Variants in DGKI observed in about 807,000 individuals in gnomAD.
DGKI encodes the protein DAG kinase iota.
Under a neutral mutation model 147.5 loss-of-function variants are expected in DGKI, and 55 were observed. That is an observed-to-expected ratio of 0.37 (90% CI 0.30 to 0.47). The LOEUF (loss-of-function observed/expected upper bound fraction) is 0.47. DGKI is among the 20% of genes least tolerant of loss of function. The probability of loss-of-function intolerance (pLI) is 1.00; values close to 1 mark genes in which losing one functional copy is unlikely to be tolerated. For synonymous variants in DGKI, 469 were observed against 477.1 expected, an observed-to-expected ratio of 0.98 and a Z score of 0.22; for missense variants, 1,007 against 1,323.8, an observed-to-expected ratio of 0.76 and a Z score of 3.71.
At chr7:137,559,372 T>C (rs2128970134) in intron 19 of DGKI, among the ~76,000 whole-genome samples, 1 of 152,194 alleles carries the variant, frequency 6.6e-6, no homozygotes, top group Non-Finnish European at 1.5e-5. Flanking sequence ...CGCCTGGCCT[T>C]GTACCTACAA....
intron 21 of DGKI, among the ~76,000 whole-genome samples, chr7:137,517,396 A>G (rs1374962782): frequency 6.7e-6 from 1 of 150,338 alleles, no homozygotes; most frequent in Non-Finnish European, 1.5e-5. Flanking sequence ...AGGGAGGGAG[A>G]AAGAGAGAGA....
intron 28 of DGKI, among the ~76,000 whole-genome samples, chr7:137,426,194 G>A (rs535501446): frequency 3.8e-3 from 573 of 152,286 alleles, no homozygotes; most frequent in Middle Eastern, 0.02. Context: ...GACTAACAGC[G>A]GATCTCTGGG....
chr7:137,532,067 A>T (rs926531659), intron 20 of DGKI, among the ~76,000 whole-genome samples: 1 of 152,150 alleles, frequency 6.6e-6, no homozygotes, highest in Non-Finnish European at 1.5e-5. Context: ...ATGTGTTATA[A>T]ATAAAAATAT....
intron 2 of DGKI, among the ~76,000 whole-genome samples, chr7:137,688,789 G>A (rs913951789): frequency 6.6e-6 from 1 of 152,034 alleles, no homozygotes; most frequent in Non-Finnish European, 1.5e-5. Flanking sequence ...TAGCTGTCCT[G>A]GAATAAAGAA....
At chr7:137,564,625 T>C (rs1308608973) in intron 19 of DGKI, among the ~76,000 whole-genome samples, 2 of 152,214 alleles carry the variant, frequency 1.3e-5, no homozygotes, top group Admixed American at 1.3e-4. Context: ...CTCTCAAATG[T>C]TGTTGTTTGT....
intron 6 of DGKI, among the ~76,000 whole-genome samples, chr7:137,638,441 T>TATAC (rs1260350340): frequency 7.7e-6 from 1 of 129,058 alleles, no homozygotes; most frequent in Non-Finnish European, 1.6e-5. Context: ...TATATATATA[T>TATAC]ATACACACAC....
intron 1 of DGKI, among the ~76,000 whole-genome samples, chr7:137,707,826 C>T (rs1386105511): frequency 1.3e-5 from 2 of 152,192 alleles, no homozygotes; most frequent in Non-Finnish European, 2.9e-5. Flanking sequence ...TGAGAACAGA[C>T]TAATACAACC....
At chr7:137,527,226 T>C (rs557330815) in intron 20 of DGKI, among the ~76,000 whole-genome samples, 18 of 152,324 alleles carry the variant, frequency 1.2e-4, no homozygotes, top group Admixed American at 3.3e-4. Flanking sequence ...AAATAATAAG[T>C]GGTCAAAAAT....
intron 1 of DGKI, among the ~76,000 whole-genome samples, chr7:137,697,424 G>C (rs774599134): frequency 3.0e-4 from 45 of 152,160 alleles, no homozygotes; most frequent in Non-Finnish European, 5.3e-4. Flanking sequence ...AAAGTAACAA[G>C]TAGAGAAGAC....
At chr7:137,553,552 T>TA (rs35473023) in intron 19 of DGKI, among the ~76,000 whole-genome samples, 18,446 of 150,470 alleles carry the variant, frequency 0.12, 1,627 homozygotes, top group African/African-American at 0.25. Flanking sequence ...TCTGACTTAG[T>TA]AAAAAAAAAA....
chr7:137,651,623 T>A (rs1822030224), intron 5 of DGKI, among the ~76,000 whole-genome samples: 1 of 152,158 alleles, frequency 6.6e-6, no homozygotes, highest in Non-Finnish European at 1.5e-5. Flanking sequence ...TCAGCCCACA[T>A]GGTATTTGAA....
chr7:137,415,184 C>T (rs1305987549), intron 28 of DGKI, among the ~76,000 whole-genome samples: 1 of 152,032 alleles, frequency 6.6e-6, no homozygotes, highest in Non-Finnish European at 1.5e-5. Flanking sequence ...GAAGGAGAGG[C>T]TGGGGAAAGT....
chr7:137,551,689 T>C (rs1470491301), intron 20 of DGKI, among the ~76,000 whole-genome samples: 2 of 152,188 alleles, frequency 1.3e-5, no homozygotes, highest in Non-Finnish European at 2.9e-5. Flanking sequence ...TCTAAATATC[T>C]AGCCAATATT....
intron 28 of DGKI, among the ~76,000 whole-genome samples, chr7:137,438,770 G>A (rs1813379113): frequency 6.6e-6 from 1 of 152,088 alleles, no homozygotes; most frequent in African/African-American, 2.4e-5. Context: ...TTGATGAAAT[G>A]CATATGGCAC....
chr7:137,822,454 G>C (rs893018602), intron 1 of DGKI, among the ~76,000 whole-genome samples: 1 of 151,990 alleles, frequency 6.6e-6, no homozygotes, highest in Non-Finnish European at 1.5e-5. Context: ...AAAAAAGATA[G>C]ATGTAGAACT....
intron 18 of DGKI, among the ~76,000 whole-genome samples, chr7:137,572,222 A>T (rs1818817616): frequency 6.6e-6 from 1 of 152,194 alleles, no homozygotes; most frequent in African/African-American, 2.4e-5. Context: ...CTGAGATAAT[A>T]TGTTTATTTT....
chr7:137,566,679 A>T (rs1006942464), intron 19 of DGKI, among the ~76,000 whole-genome samples: 2 of 152,090 alleles, frequency 1.3e-5, no homozygotes, highest in African/African-American at 4.8e-5. Context: ...CTTTTTTGCC[A>T]ACTACCATCT....
intron 1 of DGKI, among the ~76,000 whole-genome samples, chr7:137,747,385 G>T (rs1795370304): frequency 6.6e-6 from 1 of 152,084 alleles, no homozygotes; most frequent in South Asian, 2.1e-4. Flanking sequence ...AGGAAAATAG[G>T]GTCTGGAGGC....
At chr7:137,533,279 C>T (rs1241177136) in intron 20 of DGKI, among the ~76,000 whole-genome samples, 3 of 151,736 alleles carry the variant, frequency 2.0e-5, no homozygotes, top group Admixed American at 6.6e-5. Flanking sequence ...CAGAGTGAGA[C>T]CCTGTCTCAG....
Sources: gnomAD v4.1 joint callset for allele counts (sites outside exome capture counted in the v4.1 genomes callset) on GRCh38, gnomAD v4.1.1 for gene constraint, MANE v1.5 for transcripts, NCBI Gene and HGNC (gene_info 2026-07-23, HGNC 2026-07-21) for gene names.